Variants in LRMDA observed in about 807,000 individuals in gnomAD.
The protein encoded by LRMDA is leucine rich melanocyte differentiation associated.
Under a neutral mutation model 29.8 loss-of-function variants are expected in LRMDA, and 18 were observed. That is an observed-to-expected ratio of 0.60 (90% CI 0.42 to 0.90). LRMDA has a LOEUF of 0.90. Among genes scored for constraint, LRMDA ranks in the 40% least tolerant of loss-of-function variants. LRMDA has a pLI of 0.00. For synonymous variants in LRMDA, 125 were observed against 109.4 expected (o/e 1.14, Z -0.89); for missense variants, 273 against 273.9 (o/e 1.00, Z 0.02).
chr10:75,486,204 A>G (rs776005705), intron 2 of LRMDA, among the ~76,000 whole-genome samples: 5 of 152,202 alleles, frequency 3.3e-5, no homozygotes, highest in Non-Finnish European at 7.3e-5. Context: ...CTATATATAC[A>G]TTATTTCTAC....
At chr10:75,589,676 A>T (rs780528320) in intron 2 of LRMDA, among the ~76,000 whole-genome samples, 20 of 152,012 alleles carry the variant, frequency 1.3e-4, no homozygotes, top group Non-Finnish European at 2.8e-4. Context: ...AGGTGGGAGG[A>T]TCTCTTGAGC....
chr10:76,358,849 T>C (rs189598266), intron 6 of LRMDA, among the ~76,000 whole-genome samples: 180 of 152,350 alleles, frequency 1.2e-3, no homozygotes, highest in African/African-American at 4.3e-3. Flanking sequence ...TGGATGCACA[T>C]AGTAGGCATT....
At chr10:75,688,725 A>G (rs769343674) in intron 2 of LRMDA, among the ~76,000 whole-genome samples, 2 of 152,194 alleles carry the variant, frequency 1.3e-5, no homozygotes, top group Admixed American at 6.5e-5. Context: ...CTCTTTCGTG[A>G]AAGGAAGTTG....
At chr10:75,692,593 GTGTGTGTGTGTGTA>G (rs1842184345) in intron 2 of LRMDA, among the ~76,000 whole-genome samples, 2 of 146,400 alleles carry the variant, frequency 1.4e-5, no homozygotes, top group Admixed American at 1.3e-4. Context: ...GTGTGTGTGT[GTGTGTGTGTGTGTA>G]TGTGTATGTA....
At chr10:76,150,548 A>G (rs1247311474) in intron 5 of LRMDA, among the ~76,000 whole-genome samples, 5 of 152,210 alleles carry the variant, frequency 3.3e-5, no homozygotes, top group African/African-American at 1.2e-4. Flanking sequence ...TACGGCTGTC[A>G]TAACGCAAGG....
chr10:76,332,544 G>A (rs949246713), intron 6 of LRMDA, among the ~76,000 whole-genome samples: 4 of 152,238 alleles, frequency 2.6e-5, no homozygotes, highest in Admixed American at 1.3e-4. Flanking sequence ...CCCTACTTCT[G>A]TAAAATGAGA....
intron 6 of LRMDA, among the ~76,000 whole-genome samples, chr10:76,378,016 G>A (rs773480309): frequency 1.3e-5 from 2 of 152,084 alleles, no homozygotes; most frequent in African/African-American, 4.8e-5. Flanking sequence ...TAATCCATGG[G>A]CATGGGATGT....
chr10:76,490,233 T>C (rs1015175163), intron 6 of LRMDA, among the ~76,000 whole-genome samples: 1 of 151,952 alleles, frequency 6.6e-6, no homozygotes, highest in Non-Finnish European at 1.5e-5. Flanking sequence ...CTTGAGAATA[T>C]GTGTTCTGAG....
chr10:76,034,059 G>T (rs938727575), intron 2 of LRMDA, among the ~76,000 whole-genome samples: 10 of 152,314 alleles, frequency 6.6e-5, no homozygotes, highest in Admixed American at 5.9e-4. Context: ...TGAGCTGGAA[G>T]GAACACAGAA....
chr10:76,435,835 C>G (rs1031346885), intron 6 of LRMDA, among the ~76,000 whole-genome samples: 1 of 152,166 alleles, frequency 6.6e-6, no homozygotes, highest in South Asian at 2.1e-4. Context: ...AAGATTCGGT[C>G]TCTCATAGGT....
chr10:76,160,220 T>A (rs1053107453), intron 5 of LRMDA, among the ~76,000 whole-genome samples: 2 of 151,130 alleles, frequency 1.3e-5, no homozygotes, highest in African/African-American at 4.9e-5. Context: ...TTTTTTTTTT[T>A]AAAGGGAAAT....
intron 2 of LRMDA, among the ~76,000 whole-genome samples, chr10:75,883,982 T>G (rs1845336820): frequency 6.6e-6 from 1 of 151,978 alleles, no homozygotes; most frequent in African/African-American, 2.4e-5. Context: ...TGTTGTTAAA[T>G]CGGAGGCATA....
At chr10:75,925,061 G>A (rs970930823) in intron 2 of LRMDA, among the ~76,000 whole-genome samples, 7 of 152,110 alleles carry the variant, frequency 4.6e-5, no homozygotes, top group Non-Finnish European at 4.4e-5. Flanking sequence ...TCTCCTCATC[G>A]GAGTATGCAG....
At chr10:76,002,407 G>A (rs1741348183) in intron 2 of LRMDA, among the ~76,000 whole-genome samples, 1 of 152,172 alleles carries the variant, frequency 6.6e-6, no homozygotes, top group African/African-American at 2.4e-5. Context: ...ACAGTGTGGT[G>A]GAAACACCCA....
At chr10:75,782,968 T>C in intron 2 of LRMDA, 1 of 1,614,062 alleles carries the variant, frequency 6.2e-7, no homozygotes, top group Non-Finnish European at 8.5e-7. Flanking sequence ...ATCTTTGCCT[T>C]GAAATGAATG....
intron 2 of LRMDA, among the ~76,000 whole-genome samples, chr10:76,023,895 A>G (rs1848018843): frequency 6.6e-6 from 1 of 152,258 alleles, no homozygotes; most frequent in Non-Finnish European, 1.5e-5. Flanking sequence ...TCTTTCAGCT[A>G]AACAACAATT....
At chr10:76,520,143 ATATT>A (rs1451420824) in intron 6 of LRMDA, among the ~76,000 whole-genome samples, 1 of 152,076 alleles carries the variant, frequency 6.6e-6, no homozygotes, top group East Asian at 1.9e-4. Context: ...TTTAGTCCTA[ATATT>A]TATTAAACAG....
intron 5 of LRMDA, among the ~76,000 whole-genome samples, chr10:76,122,408 C>T (rs1366305715): frequency 6.6e-6 from 1 of 152,042 alleles, no homozygotes; most frequent in African/African-American, 2.4e-5. Flanking sequence ...GACTTTGGAA[C>T]TGGGCAATCT....
At chr10:76,428,629 C>T (rs1842155682) in intron 6 of LRMDA, among the ~76,000 whole-genome samples, 2 of 152,102 alleles carry the variant, frequency 1.3e-5, no homozygotes, top group Non-Finnish European at 2.9e-5. Flanking sequence ...ATCTTGGCCT[C>T]TCCCTATGAG....
Sources: allele counts gnomAD v4.1 joint callset (sites outside exome capture counted in the v4.1 genomes callset), GRCh38; gene constraint gnomAD v4.1.1; transcripts MANE v1.5; gene names NCBI Gene and HGNC (gene_info 2026-07-23, HGNC 2026-07-21).